The following SMIM13 variants were observed in gnomAD, a reference collection of about 807,000 sequenced individuals.
SMIM13 encodes UPF0766 protein C6orf228.
In SMIM13, 3 loss-of-function variants were observed where a neutral mutation model predicts 5.9. The ratio of observed to expected loss-of-function variants is 0.51; its 90% confidence interval spans 0.23 to 1.31. The LOEUF is 1.31. Ranked by LOEUF, SMIM13 falls within the 40% of genes most tolerant of loss-of-function variation. SMIM13 has a pLI of 0.18. For synonymous variants in SMIM13, 55 were observed against 46.0 expected, an observed-to-expected ratio of 1.19 and a Z score of -0.79; for missense variants, 85 against 109.9, an observed-to-expected ratio of 0.77 and a Z score of 1.01.
Position 11,136,552 on chromosome 6 carries a change from C to T in SMIM13, c.*1950C>T, listed in dbSNP as rs1371781411. On this transcript the variant is annotated 3_prime_UTR_variant, in exon 2 of 2. Transcript: ENST00000416247. ...TTGTTTAACAGTTCACTGGCTCTGT[C>T]CCAATGTTTGTGATGAACACCTTTT... 6.6e-6 allele frequency: 1 copy of T among 152,100 alleles called. No individual in the cohort carries two copies. Among genetic ancestry groups the T allele is most frequent in the Non-Finnish European group, 1.5e-5 (1 of 68,016 alleles). The allele number at this position is 152,100 out of a possible 1,614,324, so 9.4% of individuals were successfully genotyped here.
rs148785684 is a variant in SMIM13 at position 11,132,235 on chromosome 6, G to T, written c.77-2168G>T. On this transcript the variant is annotated intron_variant, in intron 1 of 1. Transcript: ENST00000416247. ...AGCTTCGTGATATACCATCATGCCT[G>T]CTAGGAGTCCTGTAATAAAAAAGAT... 8.5e-5 allele frequency among the ~76,000 whole-genome samples: 13 copies of T among 152,278 alleles called. No individual in the cohort carries two copies. In the East Asian group the frequency reaches 2.5e-3, roughly 29 times the overall value.
At chr6:11,121,887 G>A (rs554577701) in intron 1 of SMIM13, among the ~76,000 whole-genome samples, 7 of 151,944 alleles carry the variant, frequency 4.6e-5, no homozygotes, top group Admixed American at 1.3e-4. Context: ...TGTCTGGCCA[G>A]TTTCTTTGTT....
intron 1 of SMIM13, among the ~76,000 whole-genome samples, chr6:11,105,979 T>C (rs922872942): frequency 3.3e-5 from 5 of 152,172 alleles, no homozygotes; most frequent in Admixed American, 2.6e-4. Context: ...GGTACACCCA[T>C]GGCTGTGCTG....
intron 1 of SMIM13, chr6:11,104,325 G>T: frequency 6.4e-7 from 1 of 1,551,742 alleles, no homozygotes; most frequent in East Asian, 2.4e-5. Flanking sequence ...ATTGCCAGGG[G>T]CTATGAAGAT....
chr6:11,097,313 T>C (rs763301640), intron 1 of SMIM13, among the ~76,000 whole-genome samples: 2 of 152,210 alleles, frequency 1.3e-5, no homozygotes, highest in Non-Finnish European at 2.9e-5. Flanking sequence ...CGCTGGATTA[T>C]GGCTCCTCAC....
intron 1 of SMIM13, among the ~76,000 whole-genome samples, chr6:11,130,278 A>G (rs998073909): frequency 2.0e-5 from 3 of 150,802 alleles, no homozygotes; most frequent in Non-Finnish European, 4.5e-5. Context: ...AACAACAACA[A>G]CAACAACAAC....
rs1289075142 is a variant in SMIM13, at chr6:11,135,945, A to C, written c.*1343A>C. ...GTAAATTTATTTTTCTTTTTAAGATAGCAGTTATTTATTGGGGAATTTGAT... is the reference window on the plus strand; with the variant it reads ...GTAAATTTATTTTTCTTTTTAAGATCGCAGTTATTTATTGGGGAATTTGAT... On this transcript the variant is annotated 3_prime_UTR_variant, in exon 2 of 2. Transcript: ENST00000416247. 1.3e-5 allele frequency: 2 copies of C among 152,202 alleles called. No homozygotes were observed. The highest frequency in any genetic ancestry group is 4.8e-5 in the African/African-American group (2 of 41,450). The allele number at this position is 152,202 out of a possible 1,614,324, so 9.4% of individuals were successfully genotyped here.
At chr6:11,126,301 G>C (rs1758376292) in intron 1 of SMIM13, among the ~76,000 whole-genome samples, 1 of 152,202 alleles carries the variant, frequency 6.6e-6, no homozygotes, top group Non-Finnish European at 1.5e-5. Flanking sequence ...GCCTGCCTCG[G>C]CTTCCCAAAG....
rs1757890186 is a variant in SMIM13 at position 11,094,189 on chromosome 6, C to A, written c.-125C>A. 2 of 242,834 alleles carry A rather than the reference C, an allele frequency of 8.2e-6. No homozygotes were observed. Among genetic ancestry groups the A allele is most frequent in the African/African-American group, 4.7e-5 (2 of 42,924 alleles). 15.0% of individuals were successfully genotyped at this position (242,834 alleles called of 1,614,324 possible). A position where few individuals can be genotyped will look rare whatever the true frequency, so the allele number is the denominator to read the frequency against. ...GGGGCGCTGCCGAGGGGGCGCCAGC[C>A]GCCCATGCCGCCCCGGCGCCCAGCC... On this transcript the variant is annotated 5_prime_UTR_variant, in exon 1 of 2. Coordinates refer to ENST00000416247, the MANE Select transcript of SMIM13 (RefSeq NM_001135575.2).
At chr6:11,133,437 T>C (rs1233744831) in intron 1 of SMIM13, among the ~76,000 whole-genome samples, 1 of 152,222 alleles carries the variant, frequency 6.6e-6, no homozygotes, top group East Asian at 1.9e-4. Context: ...CGTATCTGTT[T>C]ATCTTGGCCT....
intron 1 of SMIM13, among the ~76,000 whole-genome samples, chr6:11,095,544 GT>G (rs1757912558): frequency 6.6e-6 from 1 of 152,134 alleles, no homozygotes; most frequent in Admixed American, 6.5e-5. Flanking sequence ...TAGAGATGGG[GT>G]TTAACCGTGT....
intron 1 of SMIM13, among the ~76,000 whole-genome samples, chr6:11,116,124 T>C (rs971396824): frequency 6.7e-6 from 1 of 149,566 alleles, no homozygotes; most frequent in Admixed American, 6.7e-5. Flanking sequence ...TTCAAGCGAT[T>C]CTCGTGCCTC....
chr6:11,133,052 A>G (rs976442218), intron 1 of SMIM13, among the ~76,000 whole-genome samples: 1 of 152,126 alleles, frequency 6.6e-6, no homozygotes, highest in Admixed American at 6.6e-5. Context: ...AGCCCTTTTG[A>G]TACCTTCTCA....
chr6:11,117,474 C>T (rs537997694), intron 1 of SMIM13, among the ~76,000 whole-genome samples: 62 of 151,708 alleles, frequency 4.1e-4, no homozygotes, highest in Admixed American at 1.6e-3. Flanking sequence ...CATGCCTGGC[C>T]GACGTTTAAT....
intron 1 of SMIM13, among the ~76,000 whole-genome samples, chr6:11,133,719 C>A (rs184987519): frequency 5.3e-5 from 8 of 150,594 alleles, no homozygotes; most frequent in Admixed American, 2.7e-4. Context: ...CTTTACTACT[C>A]CTTGCAAAAA....
intron 1 of SMIM13, among the ~76,000 whole-genome samples, chr6:11,124,889 T>C (rs1262594901): frequency 6.6e-6 from 1 of 152,138 alleles, no homozygotes; most frequent in African/African-American, 2.4e-5. Context: ...CTAAATCCCC[T>C]AGCGGGAAAG....
At chr6:11,105,591 G>T in intron 1 of SMIM13, 1 of 380,968 alleles carries the variant, frequency 2.6e-6, no homozygotes, top group Non-Finnish European at 5.0e-6. Context: ...CTTCACTTGG[G>T]TGTGATGGAT....
At chr6:11,106,030 G>C (rs1758078332) in intron 1 of SMIM13, among the ~76,000 whole-genome samples, 1 of 152,134 alleles carries the variant, frequency 6.6e-6, no homozygotes, top group African/African-American at 2.4e-5. Flanking sequence ...TGAGGGTTTG[G>C]TTATTTCCAC....
At chr6:11,102,558 G>A (rs537842277) in intron 1 of SMIM13, 11 of 152,288 alleles carry the variant, frequency 7.2e-5, no homozygotes, top group African/African-American at 2.6e-4. Flanking sequence ...GCAAGCAACT[G>A]GGTCTCTACT....
Sources: gnomAD v4.1 joint callset for allele counts (sites outside exome capture counted in the v4.1 genomes callset) on GRCh38, gnomAD v4.1.1 for gene constraint, MANE v1.5 for transcripts, NCBI Gene and HGNC (gene_info 2026-07-23, HGNC 2026-07-21) for gene names.